NUPR1: variants seen among roughly 807,000 people sequenced by gnomAD.
NUPR1 encodes nuclear protein 1.
NUPR1 carries 8 observed loss-of-function variants against 7.3 expected under a neutral mutation model. The observed-to-expected ratio is 1.09, with a 90% CI of 0.64 to 1.97. NUPR1 has a LOEUF of 1.97. NUPR1 is among the 30% of genes most tolerant of loss of function. The probability of loss-of-function intolerance (pLI) is 0.00; values close to 1 mark genes in which losing one functional copy is unlikely to be tolerated. For missense variants in NUPR1, 96 were observed against 111.7 expected (o/e 0.86, Z 0.63); for synonymous variants, 39 against 44.5 (o/e 0.88, Z 0.49).
intron 2 of NUPR1, 67 bp downstream of exon 2, chr16:28,537,939 C>T (rs2046635416): frequency 2.2e-6 from 3 of 1,341,784 alleles, no homozygotes; most frequent in East Asian, 2.3e-5. Flanking sequence ...CCCAATCACA[C>T]ACCTTCCGGC....
Position 28,535,824 on chromosome 16 carries a change from A to T in NUPR1, c.*1859T>A, listed in dbSNP as rs2046618527. The T allele has an allele frequency of 6.6e-6, 1 of 151,848 alleles. No homozygotes were observed. Among genetic ancestry groups the T allele is most frequent in the Non-Finnish European group, 1.5e-5 (1 of 68,018 alleles). The allele number at this position is 151,848 out of a possible 1,614,324, so 9.4% of individuals were successfully genotyped here. A position where few individuals can be genotyped will look rare whatever the true frequency, so the allele number is the denominator to read the frequency against. ...TCCAACTGGGTTCAAGGGATCCTCCAACTTCAGCCTCTGAGCAACTAGGAC... is the reference window on the plus strand; with the variant it reads ...TCCAACTGGGTTCAAGGGATCCTCCTACTTCAGCCTCTGAGCAACTAGGAC... On this transcript the variant is annotated 3_prime_UTR_variant, in exon 3 of 3. Coordinates refer to ENST00000324873, the MANE Select transcript of NUPR1 (RefSeq NM_012385.3).
At position 28,535,567 on chromosome 16, in the gene NUPR1, C is replaced by CCTTTCTTT. The variant is rs2046609316; in HGVS notation, c.*2115_*2116insAAAGAAAG. On this transcript the variant is annotated 3_prime_UTR_variant, in exon 3 of 3. Coordinates refer to ENST00000324873, the MANE Select transcript of NUPR1 (RefSeq NM_012385.3). The stretch of plus-strand genomic sequence containing the variant: ...TCCTTCTTTCTTTCTTTCTTTCCTT[C>CCTTTCTTT]CTTCCTTTCTTTCTTTCTTTCTTTC... 3.0e-5 allele frequency: 2 copies of CCTTTCTTT among 67,392 alleles called. No individual in the cohort carries two copies. The highest frequency in any genetic ancestry group is 5.7e-5 in the Non-Finnish European group (2 of 34,786). The allele number at this position is 67,392 out of a possible 1,614,324, so 4.2% of individuals were successfully genotyped here. A position where few individuals can be genotyped will look rare whatever the true frequency, so the allele number is the denominator to read the frequency against.
rs1163389542 is a variant in NUPR1, at chr16:28,535,783, A to T, written c.*1900T>A. On this transcript the variant is annotated 3_prime_UTR_variant, in exon 3 of 3. Coordinates refer to ENST00000324873, the MANE Select transcript of NUPR1 (RefSeq NM_012385.3). ...CAGGCTGCAGTGCAGTGGCACCATC[A>T]TGGCTTACTGTAGCCTCCAACTGGG... 6.6e-6 allele frequency: 1 copy of T among 150,468 alleles called. No individual in the cohort carries two copies. The highest frequency in any genetic ancestry group is 2.5e-5 in the African/African-American group (1 of 40,806). The allele number at this position is 150,468 out of a possible 1,614,324, so 9.3% of individuals were successfully genotyped here. A position where few individuals can be genotyped will look rare whatever the true frequency, so the allele number is the denominator to read the frequency against.
Position 28,534,116 on chromosome 16 carries a change from G to A in NUPR1, c.*3567C>T, listed in dbSNP as rs147389183. The A allele has an allele frequency of 0.038, 5,736 of 152,280 alleles. 228 individuals carry two copies. Among genetic ancestry groups the A allele is most frequent in the East Asian group, 0.2 (1,050 of 5,148 alleles). The allele number at this position is 152,280 out of a possible 1,614,324, so 9.4% of individuals were successfully genotyped here. On this transcript the variant is annotated 3_prime_UTR_variant, in exon 3 of 3. Coordinates refer to ENST00000324873, the MANE Select transcript of NUPR1 (RefSeq NM_012385.3). ...CCACTGCACTCCAGCCTGGGCGACA[G>A]AGAGAGACTCCATCTCCCAAAACAA...
intron 2 of NUPR1, 133 bp downstream of exon 2, chr16:28,537,873 C>T (rs2046634826): frequency 6.7e-6 from 5 of 742,416 alleles, no homozygotes; most frequent in Non-Finnish European, 1.1e-5. Flanking sequence ...CACAATCAAA[C>T]ATATGTCTCG....
At chr16:28,537,761 A>C in intron 2 of NUPR1, 92 bp from the exon 3 acceptor site, 1 of 450,678 alleles carries the variant, frequency 2.2e-6, no homozygotes, top group East Asian at 3.9e-5. Context: ...ACTCCAGGGA[A>C]GGACCCACCC....
chr16:28,536,796 G>A lies in NUPR1; in HGVS notation c.*887C>T, dbSNP rs2046626908. The A allele has an allele frequency of 6.6e-6, 1 of 152,078 alleles. No homozygotes were observed. Among genetic ancestry groups the A allele is most frequent in the Non-Finnish European group, 1.5e-5 (1 of 68,058 alleles). The allele number at this position is 152,078 out of a possible 1,614,324, so 9.4% of individuals were successfully genotyped here. On this transcript the variant is annotated 3_prime_UTR_variant, in exon 3 of 3. Coordinates refer to ENST00000324873, the MANE Select transcript of NUPR1 (RefSeq NM_012385.3). The stretch of plus-strand genomic sequence containing the variant: ...TACTGCCTCAGCCTCCTGAGCAGCT[G>A]GGATTACAGGCACCTGCCACCATGC...
chr16:28,537,859 A>C, intron 2 of NUPR1, 147 bp downstream of exon 2: 1 of 695,162 alleles, frequency 1.4e-6, no homozygotes. Context: ...GCCACTAGGA[A>C]ACTCACAATC....
At position 28,535,552 on chromosome 16, in the gene NUPR1, T is replaced by TTTCTTTCCTTCC. The variant is rs1555472537; in HGVS notation, c.*2130_*2131insGGAAGGAAAGAA. On this transcript the variant is annotated 3_prime_UTR_variant, in exon 3 of 3. Transcript: ENST00000324873. Reference sequence around the variant, plus strand: ...CTTTCTTTCTTTCTTTCCTTCTTTCTTTCTTTCTTTCCTTCCTTCCTTTCT... The same window carrying TTTCTTTCCTTCC: ...CTTTCTTTCTTTCTTTCCTTCTTTCTTTCTTTCCTTCCTTCTTTCTTTCCTTCCTTCCTTTCT... 12 of 31,766 alleles carry TTTCTTTCCTTCC rather than the reference T, an allele frequency of 3.8e-4. 1 individual carries two copies. The highest frequency in any genetic ancestry group is 0.011 in the Middle Eastern group (1 of 92). The allele number at this position is 31,766 out of a possible 1,614,324, so 2.0% of individuals were successfully genotyped here.
rs1567277695 is a variant in NUPR1 at position 28,535,608 on chromosome 16, C to CTTTCTT, written c.*2069_*2074dup. On this transcript the variant is annotated 3_prime_UTR_variant, in exon 3 of 3. Transcript: ENST00000324873. ...TCTTTCTTTCTTTCTTTCTTTCTTT[C>CTTTCTT]TTTCTTTCTTTCTTCTCTTTCTCTC... 6.1e-4 allele frequency: 5 copies of CTTTCTT among 8,208 alleles called. No homozygotes were observed. Among genetic ancestry groups the CTTTCTT allele is most frequent in the Non-Finnish European group, 3.2e-3 (5 of 1,586 alleles). 0.5% of individuals were successfully genotyped at this position (8,208 alleles called of 1,614,324 possible).
At position 28,535,606 on chromosome 16, in the gene NUPR1, TTC is replaced by T. The variant is rs1491571635; in HGVS notation, c.*2075_*2076del. ...TTTCTTTCTTTCTTTCTTTCTTTCT[TTC>T]TTTCTTTCTTTCTTCTCTTTCTCTC... is the stretch of plus-strand genomic sequence containing the variant. On this transcript the variant is annotated 3_prime_UTR_variant, in exon 3 of 3. Coordinates refer to ENST00000324873, the MANE Select transcript of NUPR1 (RefSeq NM_012385.3). 1 of 6,648 alleles carries T rather than the reference TTC, an allele frequency of 1.5e-4. No individual in the cohort carries two copies. The highest frequency in any genetic ancestry group is 3.5e-3 in the Admixed American group (1 of 284). 0.4% of individuals were successfully genotyped at this position (6,648 alleles called of 1,614,324 possible).
Position 28,538,180 on chromosome 16 carries a change from G to A in NUPR1, c.113-25C>T, listed in dbSNP as rs770900112. The A allele has an allele frequency of 3.7e-6, 6 of 1,613,984 alleles. No individual in the cohort carries two copies. In the South Asian group the frequency reaches 4.4e-5, roughly 12 times the overall value. On this transcript the variant is annotated intron_variant, in intron 1 of 2. Coordinates refer to ENST00000324873, the MANE Select transcript of NUPR1 (RefSeq NM_012385.3). ...CCTGTAACCAAGGCAGGAGTCAGAGGTGAAGTGGGCATAGGCATGATGAGA... is the reference window on the plus strand; with the variant it reads ...CCTGTAACCAAGGCAGGAGTCAGAGATGAAGTGGGCATAGGCATGATGAGA...
chr16:28,535,560 T>TTTCTTTCC lies in NUPR1; in HGVS notation c.*2122_*2123insGGAAAGAA, dbSNP rs2046608462. On this transcript the variant is annotated 3_prime_UTR_variant, in exon 3 of 3. Transcript: ENST00000324873. The stretch of plus-strand genomic sequence containing the variant: ...CTTTCTTTCCTTCTTTCTTTCTTTC[T>TTTCTTTCC]TTCCTTCCTTCCTTTCTTTCTTTCT... 1.3e-3 allele frequency: 81 copies of TTTCTTTCC among 64,274 alleles called. 4 individuals carry two copies. The highest frequency in any genetic ancestry group is 1.6e-3 in the African/African-American group (33 of 20,868). 4.0% of individuals were successfully genotyped at this position (64,274 alleles called of 1,614,324 possible). A position where few individuals can be genotyped will look rare whatever the true frequency, so the allele number is the denominator to read the frequency against.
At position 28,535,591 on chromosome 16, in the gene NUPR1, T is replaced by TCTTC. The variant is rs2046613830; in HGVS notation, c.*2091_*2092insGAAG. 2.1e-5 allele frequency: 1 copy of TCTTC among 48,342 alleles called. No individual in the cohort carries two copies. Among genetic ancestry groups the TCTTC allele is most frequent in the African/African-American group, 9.7e-5 (1 of 10,330 alleles). The allele number at this position is 48,342 out of a possible 1,614,324, so 3.0% of individuals were successfully genotyped here. ...TCCTTCCTTTCTTTCTTTCTTTCTT[T>TCTTC]CTTTCTTTCTTTCTTTCTTTCTTTC... On this transcript the variant is annotated 3_prime_UTR_variant, in exon 3 of 3. Transcript: ENST00000324873.
rs780569587 is a variant in NUPR1 at position 28,535,563 on chromosome 16, C to CTTTCTTTCTTTCTTTCTTT, written c.*2119_*2120insAAAGAAAGAAAGAAAGAAA. On this transcript the variant is annotated 3_prime_UTR_variant, in exon 3 of 3. Coordinates refer to ENST00000324873, the MANE Select transcript of NUPR1 (RefSeq NM_012385.3). ...TCTTTCCTTCTTTCTTTCTTTCTTT[C>CTTTCTTTCTTTCTTTCTTT]CTTCCTTCCTTTCTTTCTTTCTTTC... 1.5e-5 allele frequency: 1 copy of CTTTCTTTCTTTCTTTCTTT among 67,122 alleles called. No individual in the cohort carries two copies. Among genetic ancestry groups the CTTTCTTTCTTTCTTTCTTT allele is most frequent in the Non-Finnish European group, 3.2e-5 (1 of 31,348 alleles). The allele number at this position is 67,122 out of a possible 1,614,324, so 4.2% of individuals were successfully genotyped here. A position where few individuals can be genotyped will look rare whatever the true frequency, so the allele number is the denominator to read the frequency against.
rs947184926 is a variant in NUPR1 at position 28,533,771 on chromosome 16, A to G, written c.*3912T>C. ...AGACAGAAAGGACCAGAAAAACAGA[A>G]GCTTATTTAAGGGCAGGTATGAGAG... is the stretch of plus-strand genomic sequence containing the variant. On this transcript the variant is annotated 3_prime_UTR_variant, in exon 3 of 3. Coordinates refer to ENST00000324873, the MANE Select transcript of NUPR1 (RefSeq NM_012385.3). The G allele has an allele frequency of 1.3e-5, 2 of 152,422 alleles. No homozygotes were observed. Among genetic ancestry groups the G allele is most frequent in the African/African-American group, 4.8e-5 (2 of 41,460 alleles). 9.4% of individuals were successfully genotyped at this position (152,422 alleles called of 1,614,324 possible). A position where few individuals can be genotyped will look rare whatever the true frequency, so the allele number is the denominator to read the frequency against.
In NUPR1 at chr16:28,535,539, CTTTCCTTCT is replaced by C. The variant is rs1227686347; in HGVS notation, c.*2135_*2143del. The C allele has an allele frequency of 4.4e-4, 32 of 72,316 alleles. No individual in the cohort carries two copies. The highest frequency in any genetic ancestry group is 8.9e-4 in the South Asian group (2 of 2,244). 4.5% of individuals were successfully genotyped at this position (72,316 alleles called of 1,614,324 possible). A position where few individuals can be genotyped will look rare whatever the true frequency, so the allele number is the denominator to read the frequency against. On this transcript the variant is annotated 3_prime_UTR_variant, in exon 3 of 3. Coordinates refer to ENST00000324873, the MANE Select transcript of NUPR1 (RefSeq NM_012385.3). Reference sequence around the variant, plus strand: ...TCTTTCTTTCTTTCTTTCTTTCTTTCTTTCCTTCTTTCTTTCTTTCTTTCCTTCCTTCCT... The same window carrying C: ...TCTTTCTTTCTTTCTTTCTTTCTTTCTTCTTTCTTTCTTTCCTTCCTTCCT...
rs71140975 is a variant in NUPR1, at chr16:28,535,571, C to CCTTCTTTCTTTCCTTT, written c.*2111_*2112insAAAGGAAAGAAAGAAG. 7.0e-5 allele frequency: 5 copies of CCTTCTTTCTTTCCTTT among 71,886 alleles called. No individual in the cohort carries two copies. The highest frequency in any genetic ancestry group is 1.0e-4 in the Non-Finnish European group (4 of 38,512). 4.5% of individuals were successfully genotyped at this position (71,886 alleles called of 1,614,324 possible). On this transcript the variant is annotated 3_prime_UTR_variant, in exon 3 of 3. Coordinates refer to ENST00000324873, the MANE Select transcript of NUPR1 (RefSeq NM_012385.3). ...TCTTTCTTTCTTTCTTTCCTTCCTT[C>CCTTCTTTCTTTCCTTT]CTTTCTTTCTTTCTTTCTTTCTTTC...
chr16:28,538,265 GC>G lies in NUPR1; in HGVS notation c.113-111del, dbSNP rs2046639398. The G allele has an allele frequency of 2.0e-6, 3 of 1,484,470 alleles. No individual in the cohort carries two copies. The East Asian group carries it at 6.8e-5, about 34-fold the overall frequency. The allele number at this position is 1,484,470 out of a possible 1,614,324, so 92.0% of individuals were successfully genotyped here. A position where few individuals can be genotyped will look rare whatever the true frequency, so the allele number is the denominator to read the frequency against. ...GTGGGGATGGGAAGAGCAGGGAGAA[GC>G]CTGCTGCTTCCCCTCTGTGGAATGT... On this transcript the variant is annotated intron_variant, in intron 1 of 2. Coordinates refer to ENST00000324873, the MANE Select transcript of NUPR1 (RefSeq NM_012385.3).
Sources: allele counts gnomAD v4.1 joint callset, GRCh38; gene constraint gnomAD v4.1.1; transcripts MANE v1.5; gene names NCBI Gene and HGNC (gene_info 2026-07-23, HGNC 2026-07-21).